Variants in MS4A4E observed in about 807,000 individuals in gnomAD.
MS4A4E encodes the protein membrane spanning 4-domains A4E.
In MS4A4E, 23 loss-of-function variants were observed where a neutral mutation model predicts 13.3. The ratio of observed to expected loss-of-function variants is 1.73; its 90% CI spans 1.25 to 2.45. The LOEUF (loss-of-function observed/expected upper bound fraction) is 2.45, where lower values mean the gene tolerates loss of function less well. Ranked by LOEUF, MS4A4E falls within the 30% of genes most tolerant of loss-of-function variation. The pLI is 0.00. For synonymous variants in MS4A4E, 36 were observed against 45.6 expected, an observed-to-expected ratio of 0.79 and a Z score of 0.85; for missense variants, 144 against 131.2, an observed-to-expected ratio of 1.10 and a Z score of -0.48.
intron 4 of MS4A4E, 29 bp from the exon 5 acceptor site, chr11:60,213,161 A>G: frequency 2.3e-6 from 2 of 882,802 alleles, no homozygotes; most frequent in Non-Finnish European, 3.5e-6. Flanking sequence ...TAATTAAGCA[A>G]TCCAACATCA....
In MS4A4E at chr11:60,228,209, T is replaced by C. The variant is rs566197261; in HGVS notation, c.178+385A>G. On this transcript the variant is annotated intron_variant, in intron 3 of 8. Transcript: ENST00000651255. Reference sequence around the variant, plus strand: ...AAAAAACATACCTGACAAAGGATTGTTATTCAAAATATACAACGAAATTCA... The same window carrying C: ...AAAAAACATACCTGACAAAGGATTGCTATTCAAAATATACAACGAAATTCA... 2.0e-5 allele frequency among the ~76,000 whole-genome samples: 3 copies of C among 152,270 alleles called. No individual in the cohort carries two copies. In the South Asian group the frequency reaches 6.2e-4, roughly 32 times the overall value.
At chr11:60,232,564 T>C (rs910975847) in intron 1 of MS4A4E, among the ~76,000 whole-genome samples, 6 of 152,084 alleles carry the variant, frequency 3.9e-5, no homozygotes, top group Non-Finnish European at 7.4e-5. Flanking sequence ...ATCACCACCA[T>C]AGACACCTGC....
In MS4A4E at chr11:60,200,962, T is replaced by TG. The variant is rs1341262336; in HGVS notation, c.*580dup. On this transcript the variant is annotated 3_prime_UTR_variant, in exon 9 of 9. Coordinates refer to ENST00000651255, the MANE Select transcript of MS4A4E (RefSeq NM_001393391.1). Reference sequence around the variant, plus strand: ...CTCCCGGACGGGGCGGCTGGCCGGGTGGGGGGCTGAACCCCCCACCTCCCT... The same window carrying TG: ...CTCCCGGACGGGGCGGCTGGCCGGGTGGGGGGGCTGAACCCCCCACCTCCCT... Among the ~76,000 whole-genome samples the TG allele has an allele frequency of 7.4e-5, 8 of 108,278 alleles. No individual in the cohort carries two copies. The highest frequency in any genetic ancestry group is 9.5e-5 in the Non-Finnish European group (5 of 52,888). The allele number at this position is 108,278 out of a possible 152,430, so 71.0% of individuals were successfully genotyped here.
chr11:60,217,482 C>T (rs1253575349), intron 3 of MS4A4E, among the ~76,000 whole-genome samples: 1 of 152,188 alleles, frequency 6.6e-6, no homozygotes, highest in East Asian at 1.9e-4. Context: ...ACCCACACTG[C>T]CATCAGCCTT....
At chr11:60,239,208 T>C (rs1425426550) in intron 1 of MS4A4E, among the ~76,000 whole-genome samples, 1 of 152,216 alleles carries the variant, frequency 6.6e-6, no homozygotes, top group African/African-American at 2.4e-5. Flanking sequence ...TTAATTAATC[T>C]TGTGTTTCTG....
At chr11:60,207,055 CA>C (rs2084056985) in intron 6 of MS4A4E, among the ~76,000 whole-genome samples, 1 of 152,098 alleles carries the variant, frequency 6.6e-6, no homozygotes, top group Non-Finnish European at 1.5e-5. Flanking sequence ...GCTCTTCTTC[CA>C]AACCAGGTTG....
intron 2 of MS4A4E, 111 bp downstream of exon 2, chr11:60,229,801 G>C: frequency 3.8e-6 from 4 of 1,046,682 alleles, no homozygotes; most frequent in East Asian, 2.8e-5. Flanking sequence ...GATGTTACTA[G>C]GGCTGGTTGA....
rs74321714 is a variant in MS4A4E at position 60,212,820 on chromosome 11, G to A, written c.381+154C>T. Among the ~76,000 whole-genome samples the A allele has an allele frequency of 3.3e-5, 5 of 152,266 alleles. No individual in the cohort carries two copies. In the East Asian group the frequency reaches 9.6e-4, roughly 29 times the overall value. ...AAAGACAGAGATGAGATGTGTACCTGACTCCTAAATGAAAGATTATTCTAT... is the reference window on the plus strand; with the variant it reads ...AAAGACAGAGATGAGATGTGTACCTAACTCCTAAATGAAAGATTATTCTAT... On this transcript the variant is annotated intron_variant, in intron 5 of 8. Coordinates refer to ENST00000651255, the MANE Select transcript of MS4A4E (RefSeq NM_001393391.1).
In MS4A4E at chr11:60,208,673, G is replaced by C; in HGVS notation, c.403C>G (p.Leu135Val). 1 of 1,429,224 alleles carries C rather than the reference G, an allele frequency of 7.0e-7. No individual in the cohort carries two copies. The highest frequency in any genetic ancestry group is 9.7e-7 in the Non-Finnish European group (1 of 1,029,450). 88.5% of individuals were successfully genotyped at this position (1,429,224 alleles called of 1,614,324 possible). A position where few individuals can be genotyped will look rare whatever the true frequency, so the allele number is the denominator to read the frequency against. Reference protein sequence around the residue: ...ILMGTDGMVLLLSVLEFCIAV... With the variant: ...ILMGTDGMVLVLSVLEFCIAV... The stretch of plus-strand genomic sequence containing the variant: ...ATGCAGAATTCCAGCACACTTAAGA[G>C]GAGCACCATGCCATCCGTACCCTAG... The change falls in exon 6 of 9, where the codon CTC becomes GTC. Residue 135 changes from leucine (L) to valine (V), a missense_variant. Around this residue, in one of 3 missense-constraint regions of MS4A4E, gnomAD observed 4 missense variants for 17.4 expected, o/e 0.23. Coordinates refer to ENST00000651255, the MANE Select transcript of MS4A4E (RefSeq NM_001393391.1).
chr11:60,228,774 T>G (rs2084373693), intron 2 of MS4A4E, 147 bp from the exon 3 acceptor site: 1 of 444,798 alleles, frequency 2.2e-6, no homozygotes, highest in East Asian at 3.4e-5. Context: ...AATGAGCTAT[T>G]AAGCCATAAG....
chr11:60,230,885 G>A (rs1036991471), intron 1 of MS4A4E, among the ~76,000 whole-genome samples: 19 of 152,144 alleles, frequency 1.2e-4, no homozygotes, highest in African/African-American at 1.7e-4. Context: ...GGGAAGTGAA[G>A]CTTGCTAATA....
intron 1 of MS4A4E, 39 bp downstream of exon 1, chr11:60,242,919 T>C: frequency 1.4e-6 from 2 of 1,450,410 alleles, no homozygotes; most frequent in Non-Finnish European, 1.9e-6. Flanking sequence ...AAACAAACTA[T>C]CAGTCCGAGA....
At chr11:60,225,795 A>G (rs1042574035) in intron 3 of MS4A4E, among the ~76,000 whole-genome samples, 1 of 152,126 alleles carries the variant, frequency 6.6e-6, no homozygotes, top group Non-Finnish European at 1.5e-5. Flanking sequence ...AAAAAAAGTA[A>G]TAGAAATTAG....
At chr11:60,216,742 G>T (rs2084199468) in intron 3 of MS4A4E, among the ~76,000 whole-genome samples, 1 of 152,068 alleles carries the variant, frequency 6.6e-6, no homozygotes, top group South Asian at 2.1e-4. Context: ...TTGTTCCTGG[G>T]TGTGTCTGTG....
At chr11:60,235,659 C>T (rs897809892) in intron 1 of MS4A4E, among the ~76,000 whole-genome samples, 10 of 152,072 alleles carry the variant, frequency 6.6e-5, no homozygotes, top group Admixed American at 2.0e-4. Context: ...GTCTCCCTTC[C>T]GGGACAAGTT....
At chr11:60,234,486 T>C (rs1349156178) in intron 1 of MS4A4E, among the ~76,000 whole-genome samples, 1 of 152,154 alleles carries the variant, frequency 6.6e-6, no homozygotes, top group African/African-American at 2.4e-5. Flanking sequence ...GTCATTATCA[T>C]GGGAGAGGGT....
intron 1 of MS4A4E, among the ~76,000 whole-genome samples, chr11:60,232,033 A>G (rs1565128024): frequency 6.6e-6 from 1 of 152,222 alleles, no homozygotes; most frequent in Non-Finnish European, 1.5e-5. Flanking sequence ...AATTTCAAAT[A>G]TAAAATAATG....
intron 3 of MS4A4E, among the ~76,000 whole-genome samples, chr11:60,215,724 A>G (rs954984625): frequency 4.6e-5 from 7 of 152,054 alleles, no homozygotes; most frequent in African/African-American, 1.7e-4. Context: ...TTATATAAGA[A>G]AAATAGTTGA....
intron 1 of MS4A4E, among the ~76,000 whole-genome samples, chr11:60,236,730 C>T (rs2084487772): frequency 6.6e-6 from 1 of 151,244 alleles, no homozygotes; most frequent in Admixed American, 6.6e-5. Flanking sequence ...TTTTATCATC[C>T]AGGTTTTTTT....
Sources: allele counts gnomAD v4.1 joint callset (sites outside exome capture counted in the v4.1 genomes callset), GRCh38; gene constraint gnomAD v4.1.1; regional missense constraint gnomAD v4.1.1; transcripts MANE v1.5; gene names NCBI Gene and HGNC (gene_info 2026-07-23, HGNC 2026-07-21).